MACROD2: variants seen among roughly 807,000 people sequenced by gnomAD.
MACROD2 encodes the protein mono-ADP ribosylhydrolase 2, also known as ADP-ribose glycohydrolase MACROD2.
In MACROD2, 36 loss-of-function variants were observed where a neutral mutation model predicts 70.4. The ratio of observed to expected loss-of-function variants is 0.51; its 90% confidence interval spans 0.39 to 0.68. MACROD2 has a LOEUF of 0.68. MACROD2 is among the 30% of genes least tolerant of loss of function. The pLI is 0.00. For synonymous variants in MACROD2, 172 were observed against 178.8 expected, an observed-to-expected ratio of 0.96 and a Z score of 0.30; for missense variants, 496 against 538.4, an observed-to-expected ratio of 0.92 and a Z score of 0.78.
chr20:15,431,176 A>G (rs2046359398), intron 6 of MACROD2, among the ~76,000 whole-genome samples: 1 of 152,056 alleles, frequency 6.6e-6, no homozygotes, highest in Non-Finnish European at 1.5e-5. Context: ...GCCTCACAAG[A>G]TTCCTGAAAA....
chr20:14,912,168 C>T (rs771028084), intron 5 of MACROD2, among the ~76,000 whole-genome samples: 1 of 152,146 alleles, frequency 6.6e-6, no homozygotes, highest in Non-Finnish European at 1.5e-5. Flanking sequence ...ACTTGTCTGT[C>T]TGTCTTAAGA....
chr20:15,365,421 T>C (rs1387070489), intron 6 of MACROD2, among the ~76,000 whole-genome samples: 2 of 152,066 alleles, frequency 1.3e-5, no homozygotes, highest in African/African-American at 2.4e-5. Flanking sequence ...ATCCCAGCCC[T>C]TTGGGAGGCC....
Position 15,334,590 on chromosome 20 carries a change from T to TAA in MACROD2, c.541-96807_541-96806dup, listed in dbSNP as rs73619844. Among the ~76,000 whole-genome samples the TAA allele has an allele frequency of 1.1e-3, 167 of 150,354 alleles. 2 individuals are homozygous for TAA. The highest frequency in any genetic ancestry group is 0.01 in the East Asian group (52 of 5,106). On this transcript the variant is annotated intron_variant, in intron 6 of 17. Transcript: ENST00000684519. ...CAAGTGGGGGAAAAATGATTTTTTT[T>TAA]AAAAAAAAACTGCAAAGTGCCATTC... is the stretch of plus-strand genomic sequence containing the variant.
chr20:14,120,224 A>AG, intron 3 of MACROD2, among the ~76,000 whole-genome samples: 1 of 151,024 alleles, frequency 6.6e-6, no homozygotes, highest in East Asian at 1.9e-4. Flanking sequence ...AAAAAAAAAA[A>AG]AAAAAAAAAA....
intron 13 of MACROD2, among the ~76,000 whole-genome samples, chr20:15,980,905 C>T (rs148453444): frequency 0.012 from 1,848 of 152,310 alleles, 18 homozygotes; most frequent in South Asian, 0.056. Flanking sequence ...AACCGTATGA[C>T]TCTGTTGAGC....
intron 2 of MACROD2, among the ~76,000 whole-genome samples, chr20:14,008,038 A>G (rs1336151409): frequency 6.6e-6 from 1 of 152,232 alleles, no homozygotes; most frequent in African/African-American, 2.4e-5. Flanking sequence ...AAAAGCTGGA[A>G]GCATTCCCCT....
chr20:15,688,263 A>G (rs2050253174), intron 8 of MACROD2, among the ~76,000 whole-genome samples: 2 of 152,128 alleles, frequency 1.3e-5, no homozygotes. Flanking sequence ...TCCCATTTGC[A>G]TTTTCTGAGG....
intron 8 of MACROD2, among the ~76,000 whole-genome samples, chr20:15,838,518 T>C (rs1460146655): frequency 6.6e-6 from 1 of 152,192 alleles, no homozygotes; most frequent in East Asian, 1.9e-4. Flanking sequence ...ATTGGAAAGA[T>C]AGCTTTGGGG....
intron 3 of MACROD2, among the ~76,000 whole-genome samples, chr20:14,449,822 T>A (rs1165808308): frequency 6.6e-5 from 10 of 152,148 alleles, no homozygotes; most frequent in African/African-American, 2.4e-4. Flanking sequence ...AATCTGAGTC[T>A]GTTTGATTTC....
intron 10 of MACROD2, among the ~76,000 whole-genome samples, chr20:15,914,283 T>C (rs1033224272): frequency 9.2e-5 from 14 of 152,238 alleles, no homozygotes; most frequent in African/African-American, 3.4e-4. Context: ...GTTGTCCTTA[T>C]TAACAAAGAT....
intron 5 of MACROD2, among the ~76,000 whole-genome samples, chr20:15,205,457 A>C (rs1243375022): frequency 6.6e-6 from 1 of 152,148 alleles, no homozygotes; most frequent in African/African-American, 2.4e-5. Flanking sequence ...AAGTTCCTAG[A>C]AGGAGCATCC....
intron 3 of MACROD2, among the ~76,000 whole-genome samples, chr20:14,370,087 T>C (rs1439152163): frequency 1.3e-5 from 2 of 152,168 alleles, no homozygotes; most frequent in African/African-American, 4.8e-5. Flanking sequence ...TAGAGATAAA[T>C]GGAAATTAAT....
At chr20:14,308,411 T>A (rs960658455) in intron 3 of MACROD2, among the ~76,000 whole-genome samples, 3 of 152,156 alleles carry the variant, frequency 2.0e-5, no homozygotes, top group African/African-American at 4.8e-5. Context: ...TTTGTCCAGA[T>A]CATTTTATTG....
intron 8 of MACROD2, among the ~76,000 whole-genome samples, chr20:15,587,865 C>T (rs546908583): frequency 6.6e-6 from 1 of 152,318 alleles, no homozygotes; most frequent in East Asian, 1.9e-4. Context: ...TGTTGAGTGT[C>T]TGCAGCTTTT....
intron 2 of MACROD2, among the ~76,000 whole-genome samples, chr20:14,061,377 A>C (rs916090633): frequency 6.6e-6 from 1 of 152,118 alleles, no homozygotes; most frequent in Non-Finnish European, 1.5e-5. Context: ...ACAAGAAATA[A>C]AATTTCTTTT....
intron 10 of MACROD2, among the ~76,000 whole-genome samples, chr20:15,924,510 A>G (rs1255964854): frequency 6.6e-6 from 1 of 151,912 alleles, no homozygotes; most frequent in African/African-American, 2.4e-5. Context: ...ACTTTTTTTT[A>G]TTTTTCTCTG....
At chr20:15,839,218 T>C (rs538866975) in intron 8 of MACROD2, among the ~76,000 whole-genome samples, 2 of 152,228 alleles carry the variant, frequency 1.3e-5, no homozygotes, top group Non-Finnish European at 2.9e-5. Context: ...AGAGGAAATA[T>C]AGCATTACAC....
chr20:15,956,125 G>C (rs1424345333), intron 12 of MACROD2, among the ~76,000 whole-genome samples: 1 of 152,176 alleles, frequency 6.6e-6, no homozygotes, highest in African/African-American at 2.4e-5. Flanking sequence ...CATGTGGCTG[G>C]CTGGTGGCTA....
chr20:15,635,501 A>G (rs1178692293), intron 8 of MACROD2, among the ~76,000 whole-genome samples: 1 of 152,174 alleles, frequency 6.6e-6, no homozygotes, highest in East Asian at 1.9e-4. Context: ...AAAGCCAAAT[A>G]CTGTATGTTC....
Sources: gnomAD v4.1 joint callset for allele counts (sites outside exome capture counted in the v4.1 genomes callset) on GRCh38, gnomAD v4.1.1 for gene constraint, MANE v1.5 for transcripts, NCBI Gene and HGNC (gene_info 2026-07-23, HGNC 2026-07-21) for gene names.